RETREG1: variants seen among roughly 807,000 people sequenced by gnomAD.
The protein encoded by RETREG1 is family with sequence similarity 134 member B.
In RETREG1, 44 loss-of-function variants were observed where a neutral mutation model predicts 54.8. The ratio of observed to expected loss-of-function variants is 0.80; its 90% CI spans 0.63 to 1.03. The LOEUF is 1.03. RETREG1 is among the 50% of genes least tolerant of loss of function. The pLI is 0.00. For missense variants in RETREG1, 554 were observed against 605.1 expected (o/e 0.92, Z 0.89); for synonymous variants, 217 against 238.5 (o/e 0.91, Z 0.83).
intron 3 of RETREG1, among the ~76,000 whole-genome samples, chr5:16,488,387 G>A (rs1277209885): frequency 2.0e-5 from 3 of 152,118 alleles, no homozygotes; most frequent in Non-Finnish European, 4.4e-5. Flanking sequence ...TGGGAGCAGG[G>A]GCAGCAACCC....
intron 3 of RETREG1, among the ~76,000 whole-genome samples, chr5:16,538,805 C>T (rs1449970820): frequency 6.6e-6 from 1 of 151,930 alleles, no homozygotes; most frequent in South Asian, 2.1e-4. Flanking sequence ...CCTGGGTTCA[C>T]GCCATTCTCC....
intron 3 of RETREG1, among the ~76,000 whole-genome samples, chr5:16,516,205 C>A (rs1027731347): frequency 6.6e-6 from 1 of 152,066 alleles, no homozygotes; most frequent in Non-Finnish European, 1.5e-5. Context: ...AAGAATACAG[C>A]ATCTTTTTCA....
At chr5:16,500,833 A>G (rs911433631) in intron 3 of RETREG1, among the ~76,000 whole-genome samples, 1 of 152,140 alleles carries the variant, frequency 6.6e-6, no homozygotes, top group Admixed American at 6.5e-5. Context: ...GAGCCCACAG[A>G]TCCTCTAGAC....
At chr5:16,545,613 T>C (rs1390117878) in intron 3 of RETREG1, among the ~76,000 whole-genome samples, 1 of 152,130 alleles carries the variant, frequency 6.6e-6, no homozygotes, top group African/African-American at 2.4e-5. Flanking sequence ...TATCCTCCCC[T>C]TCCCTGGGTG....
At chr5:16,503,630 T>C (rs1272630157) in intron 3 of RETREG1, among the ~76,000 whole-genome samples, 39 of 136,230 alleles carry the variant, frequency 2.9e-4, no homozygotes, top group African/African-American at 1.0e-3. Context: ...ATCACTGCAC[T>C]CCAGCCTGGG....
intron 3 of RETREG1, among the ~76,000 whole-genome samples, chr5:16,503,662 CAA>C (rs1330647063): frequency 8.7e-5 from 8 of 91,680 alleles, no homozygotes; most frequent in Admixed American, 1.1e-4. Context: ...GACTCCATCT[CAA>C]AAAAAAAAAA....
intron 3 of RETREG1, among the ~76,000 whole-genome samples, chr5:16,507,912 C>A (rs549243271): frequency 6.6e-6 from 1 of 152,196 alleles, no homozygotes; most frequent in Non-Finnish European, 1.5e-5. Context: ...CTGACTCATA[C>A]AAAAGTTGTT....
chr5:16,583,036 G>T (rs147998315), intron 1 of RETREG1, among the ~76,000 whole-genome samples: 2 of 152,186 alleles, frequency 1.3e-5, no homozygotes, highest in Admixed American at 6.5e-5. Flanking sequence ...GCCTGCTCAG[G>T]CTCAGCAATG....
In RETREG1 at chr5:16,600,706, G is replaced by T. The variant is rs919105199; in HGVS notation, c.320+15946C>A. ...CTTGGAGCCCTTTACTGTGAAACAG[G>T]AAGAGGAAATCTGAGGACCCCTTAG... is the stretch of plus-strand genomic sequence containing the variant. On this transcript the variant is annotated intron_variant, in intron 1 of 8. Transcript: ENST00000306320. Among the ~76,000 whole-genome samples the T allele has an allele frequency of 1.3e-5, 2 of 152,294 alleles. 1 individual carries two copies. Among genetic ancestry groups the T allele is most frequent in the South Asian group, 4.1e-4 (2 of 4,828 alleles).
chr5:16,476,173 C>T (rs941382181), intron 8 of RETREG1, among the ~76,000 whole-genome samples: 4 of 152,098 alleles, frequency 2.6e-5, no homozygotes, highest in South Asian at 2.1e-4. Context: ...TTATGTCACC[C>T]GTTCAAGGTC....
rs570141766 is a variant in RETREG1, at chr5:16,509,721, G to A, written c.459-26249C>T. On this transcript the variant is annotated intron_variant, in intron 3 of 8. Coordinates refer to ENST00000306320, the MANE Select transcript of RETREG1 (RefSeq NM_001034850.3). Reference sequence around the variant, plus strand: ...TATTATTTTCAAAATGTGTTGCCAGGTGCTGTGGCTCACGCCTGTAATCCT... The same window carrying A: ...TATTATTTTCAAAATGTGTTGCCAGATGCTGTGGCTCACGCCTGTAATCCT... 8.5e-5 allele frequency among the ~76,000 whole-genome samples: 13 copies of A among 152,218 alleles called. No individual in the cohort carries two copies. In the South Asian group the frequency reaches 2.5e-3, roughly 29 times the overall value.
chr5:16,482,699 T>C (rs917342313), intron 4 of RETREG1, among the ~76,000 whole-genome samples: 4 of 152,088 alleles, frequency 2.6e-5, no homozygotes, highest in Non-Finnish European at 5.9e-5. Flanking sequence ...TTGATGGTTC[T>C]GCACCTCACC....
chr5:16,596,108 G>A (rs556299352), intron 1 of RETREG1, among the ~76,000 whole-genome samples: 2 of 152,182 alleles, frequency 1.3e-5, no homozygotes, highest in Middle Eastern at 3.2e-3. Flanking sequence ...TCTGTAACAC[G>A]AGGTGGTTAA....
rs1204142471 is a variant in RETREG1, at chr5:16,483,482, C to T, written c.459-10G>A. On this transcript the variant is annotated splice_polypyrimidine_tract_variant and intron_variant, in intron 3 of 8. Transcript: ENST00000306320. ...ATTGATAACTTCCCAGCTAAAGAGACAAAAAGAAAAAAAATACTACTGAAC... is the reference window on the plus strand; with the variant it reads ...ATTGATAACTTCCCAGCTAAAGAGATAAAAAGAAAAAAAATACTACTGAAC... 6.2e-7 allele frequency: 1 copy of T among 1,610,488 alleles called. No individual in the cohort carries two copies. The highest frequency in any genetic ancestry group is 1.1e-5 in the South Asian group (1 of 90,960).
At position 16,572,911 on chromosome 5, in the gene RETREG1, G is replaced by A. The variant is rs1011091441; in HGVS notation, c.321-809C>T. ...TAAAAACAGCAGTTATTGGCCGGGCGTGGTGGCTCACACCTGTAATCCCAG... is the reference window on the plus strand; with the variant it reads ...TAAAAACAGCAGTTATTGGCCGGGCATGGTGGCTCACACCTGTAATCCCAG... On this transcript the variant is annotated intron_variant, in intron 1 of 8. Transcript: ENST00000306320. Among the ~76,000 whole-genome samples the A allele has an allele frequency of 5.9e-5, 9 of 152,104 alleles. No individual in the cohort carries two copies. The East Asian group carries it at 1.2e-3, about 20-fold the overall frequency.
Position 16,616,851 on chromosome 5 carries a change from C to A in RETREG1, c.121G>T (p.Glu41Ter). ...QASPAERQQQ[E>*]EEAQEAGAAE... ...GCCCCAGCTTCCTGCGCTTCCTCCT[C>A]CTGCTGCTGCCGCTCTGCGGGGGAT... The change falls in exon 1 of 9, where the codon GAG (glutamate) becomes TAG (stop). Residue 41 changes from glutamate to a stop codon, truncating the protein, a stop_gained. Transcript: ENST00000306320. LOFTEE classifies it high-confidence loss of function. 6.6e-7 allele frequency: 1 copy of A among 1,510,332 alleles called. No homozygotes were observed. The highest frequency in any genetic ancestry group is 2.7e-5 in the East Asian group (1 of 37,610). 93.6% of individuals were successfully genotyped at this position (1,510,332 alleles called of 1,614,324 possible). A position where few individuals can be genotyped will look rare whatever the true frequency, so the allele number is the denominator to read the frequency against.
At chr5:16,511,078 T>G (rs1319294161) in intron 3 of RETREG1, among the ~76,000 whole-genome samples, 1 of 152,206 alleles carries the variant, frequency 6.6e-6, no homozygotes, top group African/African-American at 2.4e-5. Flanking sequence ...ATGAATTAGC[T>G]ATTACCAACA....
chr5:16,557,196 G>C (rs1030897851), intron 3 of RETREG1, among the ~76,000 whole-genome samples: 1 of 152,292 alleles, frequency 6.6e-6, no homozygotes, highest in African/African-American at 2.4e-5. Flanking sequence ...TTCCTAGAAG[G>C]CTCTTCCCTT....
At chr5:16,598,402 G>C (rs1742961638) in intron 1 of RETREG1, among the ~76,000 whole-genome samples, 1 of 152,226 alleles carries the variant, frequency 6.6e-6, no homozygotes, top group African/African-American at 2.4e-5. Flanking sequence ...GTCTAGCACA[G>C]TGATTCTACC....
Sources: gnomAD v4.1 joint callset for allele counts (sites outside exome capture counted in the v4.1 genomes callset) on GRCh38, gnomAD v4.1.1 for gene constraint, MANE v1.5 for transcripts, NCBI Gene and HGNC (gene_info 2026-07-23, HGNC 2026-07-21) for gene names.